Variants in GRID2 observed in about 807,000 individuals in gnomAD.
GRID2 encodes the protein glutamate receptor ionotropic, delta-2.
In GRID2, 33 loss-of-function variants were observed where a neutral mutation model predicts 114.8. The observed-to-expected ratio is 0.29, with a 90% CI of 0.22 to 0.38. The LOEUF (loss-of-function observed/expected upper bound fraction) is 0.38. Ranked by LOEUF, GRID2 falls within the 10% of genes least tolerant of loss-of-function variation. GRID2 has a pLI of 1.00. For synonymous variants in GRID2, 505 were observed against 449.9 expected (o/e 1.12, Z -1.55); for missense variants, 1,184 against 1,257.7 (o/e 0.94, Z 0.89).
chr4:93,179,944 G>T lies in GRID2; in HGVS notation c.736-27460G>T, dbSNP rs1739725297. Among the ~76,000 whole-genome samples, 3 of 152,228 alleles carry T rather than the reference G, an allele frequency of 2.0e-5. No individual in the cohort carries two copies. The South Asian group carries it at 6.2e-4, about 32-fold the overall frequency. On this transcript the variant is annotated intron_variant, in intron 4 of 15. Transcript: ENST00000282020. ...CTCTGCTCTAGTGTATTTAAAGAAA[G>T]ATAAAATCTGAATTTTGCATTCTAA...
chr4:92,844,534 G>A (rs1418733255), intron 2 of GRID2, among the ~76,000 whole-genome samples: 2 of 151,696 alleles, frequency 1.3e-5, no homozygotes, highest in Non-Finnish European at 2.9e-5. Flanking sequence ...GTGAGACTCT[G>A]TCTCTAATCA....
At chr4:93,192,124 G>A (rs1741040497) in intron 4 of GRID2, among the ~76,000 whole-genome samples, 1 of 152,058 alleles carries the variant, frequency 6.6e-6, no homozygotes, top group Non-Finnish European at 1.5e-5. Flanking sequence ...CTAGAAGACA[G>A]GAACAGTAAT....
chr4:93,042,297 C>A (rs202222841), intron 2 of GRID2, among the ~76,000 whole-genome samples: 1,427 of 99,382 alleles, frequency 0.014, 6 homozygotes, highest in South Asian at 0.019. Context: ...CTCTCTCTCT[C>A]TCTATATATA....
chr4:93,626,958 T>C (rs1239505868), intron 14 of GRID2, among the ~76,000 whole-genome samples: 2 of 152,330 alleles, frequency 1.3e-5, no homozygotes, highest in Admixed American at 1.3e-4. Context: ...GATTTTGTCA[T>C]GGAAATCAAG....
intron 1 of GRID2, among the ~76,000 whole-genome samples, chr4:92,316,512 C>T (rs191069161): frequency 1.4e-4 from 22 of 152,188 alleles, no homozygotes; most frequent in African/African-American, 4.6e-4. Context: ...GAAACCATAA[C>T]GTGACATTTT....
chr4:92,729,835 T>C (rs1736248444), intron 2 of GRID2, among the ~76,000 whole-genome samples: 1 of 151,786 alleles, frequency 6.6e-6, no homozygotes, highest in Non-Finnish European at 1.5e-5. Context: ...AAAAAAATCC[T>C]CTTTATAGTA....
At chr4:93,074,284 G>A (rs1003200092) in intron 2 of GRID2, among the ~76,000 whole-genome samples, 4 of 152,140 alleles carry the variant, frequency 2.6e-5, no homozygotes, top group Non-Finnish European at 4.4e-5. Flanking sequence ...TCAGTCTGCA[G>A]TCTCTTACAG....
At chr4:92,749,067 C>T (rs1480709119) in intron 2 of GRID2, among the ~76,000 whole-genome samples, 1 of 151,722 alleles carries the variant, frequency 6.6e-6, no homozygotes. Context: ...GATCTTGGCT[C>T]ACTGCAACCT....
At chr4:92,878,110 T>G (rs1165668048) in intron 2 of GRID2, among the ~76,000 whole-genome samples, 1 of 152,176 alleles carries the variant, frequency 6.6e-6, no homozygotes, top group Non-Finnish European at 1.5e-5. Context: ...TAAATTCTTC[T>G]ACAGAGAAGA....
intron 13 of GRID2, among the ~76,000 whole-genome samples, chr4:93,530,390 T>G (rs1731324194): frequency 6.6e-6 from 1 of 152,190 alleles, no homozygotes; most frequent in East Asian, 1.9e-4. Context: ...CTGTATTGAT[T>G]TGGGTATCTT....
intron 3 of GRID2, among the ~76,000 whole-genome samples, chr4:93,110,190 G>A (rs973279544): frequency 6.6e-6 from 1 of 152,090 alleles, no homozygotes; most frequent in Non-Finnish European, 1.5e-5. Flanking sequence ...TAATTAAATA[G>A]ATTAAAATGC....
chr4:92,916,534 T>C (rs1265731512), intron 2 of GRID2, among the ~76,000 whole-genome samples: 3 of 148,680 alleles, frequency 2.0e-5, no homozygotes, highest in African/African-American at 5.0e-5. Context: ...CAACAGGCCC[T>C]CGTGTGTGAT....
intron 8 of GRID2, among the ~76,000 whole-genome samples, chr4:93,359,746 A>G (rs1041039893): frequency 6.5e-5 from 9 of 137,660 alleles, no homozygotes; most frequent in African/African-American, 2.4e-4. Flanking sequence ...AGCAAATGAA[A>G]CAGTAGCTCC....
intron 8 of GRID2, chr4:93,306,358 T>C (rs1452445714): frequency 6.6e-6 from 1 of 152,242 alleles, no homozygotes; most frequent in African/African-American, 2.4e-5. Flanking sequence ...AGAAGCTTAT[T>C]AAATTCCCCT....
chr4:92,536,001 T>C (rs548454802), intron 1 of GRID2, among the ~76,000 whole-genome samples: 4 of 152,306 alleles, frequency 2.6e-5, no homozygotes, highest in Admixed American at 2.0e-4. Context: ...AGCTCATTGT[T>C]ACAGCTCATA....
intron 2 of GRID2, among the ~76,000 whole-genome samples, chr4:92,698,981 TCTC>T (rs1734546033): frequency 6.6e-6 from 1 of 152,160 alleles, no homozygotes; most frequent in African/African-American, 2.4e-5. Context: ...ATTTTTTTCT[TCTC>T]AACCAGTTGT....
chr4:92,311,652 A>G (rs1209537619), intron 1 of GRID2, among the ~76,000 whole-genome samples: 1 of 152,052 alleles, frequency 6.6e-6, no homozygotes, highest in Non-Finnish European at 1.5e-5. Context: ...TTTTTTCATA[A>G]GTAAGCTTAA....
intron 8 of GRID2, among the ~76,000 whole-genome samples, chr4:93,331,126 A>ACCCC (rs34629868): frequency 8.1e-6 from 1 of 123,550 alleles, no homozygotes; most frequent in African/African-American, 3.0e-5. Context: ...CTGCTATCTA[A>ACCCC]CCCCCCCCCC....
intron 1 of GRID2, among the ~76,000 whole-genome samples, chr4:92,527,852 T>C (rs929745127): frequency 6.6e-6 from 1 of 151,896 alleles, no homozygotes; most frequent in Admixed American, 6.6e-5. Flanking sequence ...ATTTTTCCAT[T>C]TTATGTGAAC....
Sources: gnomAD v4.1 joint callset for allele counts (sites outside exome capture counted in the v4.1 genomes callset) on GRCh38, gnomAD v4.1.1 for gene constraint, MANE v1.5 for transcripts, NCBI Gene and HGNC (gene_info 2026-07-23, HGNC 2026-07-21) for gene names.